Variants in SLC24A2 observed in about 807,000 individuals in gnomAD.
SLC24A2 encodes sodium/potassium/calcium exchanger 2.
Under a neutral mutation model 62.0 loss-of-function variants are expected in SLC24A2, and 36 were observed. The observed-to-expected ratio is 0.58, with a 90% CI of 0.44 to 0.77. The LOEUF is 0.77. Ranked by LOEUF, SLC24A2 falls within the 30% of genes least tolerant of loss-of-function variation. The pLI is 0.00. For synonymous variants in SLC24A2, 358 were observed against 294.0 expected (o/e 1.22, Z -2.23); for missense variants, 846 against 817.9 (o/e 1.03, Z -0.42).
chr9:20,087,847 C>A, the SLC24A2 span, among the ~76,000 whole-genome samples: 1 of 151,666 alleles, frequency 6.6e-6, no homozygotes. Flanking sequence ...TGGAGAAAAG[C>A]AAGGCAGGAC....
chr9:20,013,181 C>T, the SLC24A2 span, among the ~76,000 whole-genome samples: 12 of 151,836 alleles, frequency 7.9e-5, no homozygotes, highest in African/African-American at 2.9e-4. Context: ...ATGAAGCCTG[C>T]ATGGTAGTGG....
the SLC24A2 span, among the ~76,000 whole-genome samples, chr9:20,112,694 T>G: frequency 6.6e-6 from 1 of 152,218 alleles, no homozygotes; most frequent in Middle Eastern, 3.4e-3. Flanking sequence ...TCAGCCCTTT[T>G]TCTCCCTGCT....
At chr9:20,263,400 C>T in the SLC24A2 span, among the ~76,000 whole-genome samples, 7 of 152,022 alleles carry the variant, frequency 4.6e-5, no homozygotes, top group Admixed American at 1.3e-4. Context: ...CACAGGTGTG[C>T]ACCACACCTG....
the SLC24A2 span, among the ~76,000 whole-genome samples, chr9:20,108,781 T>C: frequency 6.6e-6 from 1 of 152,076 alleles, no homozygotes; most frequent in Non-Finnish European, 1.5e-5. Flanking sequence ...CACACCAGCA[T>C]GGCACAAGTA....
At chr9:19,797,221 C>G in the SLC24A2 span, among the ~76,000 whole-genome samples, 1 of 152,020 alleles carries the variant, frequency 6.6e-6, no homozygotes, top group African/African-American at 2.4e-5. Flanking sequence ...TTGGTTTGTT[C>G]ATTACTTTAT....
chr9:19,601,770 C>T (rs565427980), intron 4 of SLC24A2, among the ~76,000 whole-genome samples: 178 of 152,276 alleles, frequency 1.2e-3, no homozygotes, highest in African/African-American at 4.1e-3. Flanking sequence ...ACTTGCTAGC[C>T]ATGAGACCTT....
the SLC24A2 span, among the ~76,000 whole-genome samples, chr9:20,036,195 T>A: frequency 1.3e-5 from 2 of 152,370 alleles, no homozygotes; most frequent in South Asian, 4.1e-4. Context: ...TGTATTTTCA[T>A]TATATATTGA....
intron 2 of SLC24A2, among the ~76,000 whole-genome samples, chr9:19,760,372 TA>T (rs1262151274): frequency 6.6e-6 from 1 of 152,196 alleles, no homozygotes; most frequent in Non-Finnish European, 1.5e-5. Flanking sequence ...TTCTTACTTT[TA>T]TTTTTTTATT....
the SLC24A2 span, among the ~76,000 whole-genome samples, chr9:20,141,692 C>T: frequency 2.6e-5 from 4 of 152,036 alleles, no homozygotes; most frequent in East Asian, 1.9e-4. Flanking sequence ...TTTCTAGAAA[C>T]GACGCTACTG....
chr9:19,978,646 C>G, the SLC24A2 span, among the ~76,000 whole-genome samples: 1 of 152,074 alleles, frequency 6.6e-6, no homozygotes, highest in African/African-American at 2.4e-5. Flanking sequence ...TGACTCCCAA[C>G]TTTCTTTACA....
chr9:19,629,207 C>G (rs1818112241), intron 2 of SLC24A2, among the ~76,000 whole-genome samples: 2 of 152,172 alleles, frequency 1.3e-5, no homozygotes, highest in African/African-American at 4.8e-5. Context: ...GACAGTTGGG[C>G]TCCAGAGCCT....
chr9:20,306,832 G>T, the SLC24A2 span, among the ~76,000 whole-genome samples: 1 of 152,182 alleles, frequency 6.6e-6, no homozygotes, highest in African/African-American at 2.4e-5. Context: ...AAGTAGCTGG[G>T]ATTACAGGTG....
chr9:19,873,697 T>C, the SLC24A2 span, among the ~76,000 whole-genome samples: 1 of 152,132 alleles, frequency 6.6e-6, no homozygotes, highest in Admixed American at 6.6e-5. Flanking sequence ...GATTCTACTA[T>C]GTGTGAATTT....
chr9:19,982,329 G>A, the SLC24A2 span, among the ~76,000 whole-genome samples: 6 of 152,140 alleles, frequency 3.9e-5, no homozygotes, highest in Non-Finnish European at 8.8e-5. Flanking sequence ...GAGGAGGTTG[G>A]TGGGTTTCTA....
chr9:19,605,813 A>G (rs112479542), intron 4 of SLC24A2, among the ~76,000 whole-genome samples: 2,902 of 152,344 alleles, frequency 0.019, 93 homozygotes, highest in African/African-American at 0.067. Context: ...AGATACCATT[A>G]TCTTTCCTAT....
At chr9:19,570,948 TCTGTC>T (rs904864324) in intron 7 of SLC24A2, among the ~76,000 whole-genome samples, 3 of 152,210 alleles carry the variant, frequency 2.0e-5, no homozygotes, top group African/African-American at 7.2e-5. Flanking sequence ...GGTGCACAAA[TCTGTC>T]CTGTTCCCCT....
chr9:19,542,972 C>G (rs201702666), intron 8 of SLC24A2, among the ~76,000 whole-genome samples: 1 of 152,082 alleles, frequency 6.6e-6, no homozygotes, highest in Non-Finnish European at 1.5e-5. Context: ...GGGAGGATCC[C>G]CTCTTTTTCT....
At chr9:19,930,049 G>A in the SLC24A2 span, 10 of 152,102 alleles carry the variant, frequency 6.6e-5, no homozygotes, top group African/African-American at 2.4e-4. Flanking sequence ...CGTTTATAAA[G>A]TAAAAAACTT....
chr9:19,780,729 C>G (rs1257091672), intron 2 of SLC24A2, among the ~76,000 whole-genome samples: 3 of 151,246 alleles, frequency 2.0e-5, no homozygotes, highest in Non-Finnish European at 4.4e-5. Context: ...AAAAATTAGC[C>G]GGGCGCGGTG....
Sources: gnomAD v4.1 joint callset for allele counts (sites outside exome capture counted in the v4.1 genomes callset) on GRCh38, gnomAD v4.1.1 for gene constraint, MANE v1.5 for transcripts, NCBI Gene and HGNC (gene_info 2026-07-23, HGNC 2026-07-21) for gene names.